The following NUP210L variants were observed in gnomAD, a reference collection of about 807,000 sequenced individuals.
The protein encoded by NUP210L is nuclear pore membrane glycoprotein 210-like.
In NUP210L, 74 loss-of-function variants were observed where a neutral mutation model predicts 208.5. The ratio of observed to expected loss-of-function variants is 0.35; its 90% CI spans 0.29 to 0.43. The LOEUF (loss-of-function observed/expected upper bound fraction) is 0.43. NUP210L is among the 20% of genes least tolerant of loss of function. NUP210L has a pLI of 1.00. For missense variants in NUP210L, 1,843 were observed against 2,289.4 expected (o/e 0.81, Z 3.98); for synonymous variants, 780 against 816.9 (o/e 0.95, Z 0.77).
intron 29 of NUP210L, 48 bp from the exon 30 acceptor site, chr1:154,025,764 C>A: frequency 6.5e-7 from 1 of 1,534,984 alleles, no homozygotes; most frequent in Non-Finnish European, 8.9e-7. Context: ...TCCTGTCTGA[C>A]CAGAGAGAAA....
chr1:153,996,059 A>G (rs1196349154), intron 37 of NUP210L: 18 of 335,276 alleles, frequency 5.4e-5, no homozygotes, highest in East Asian at 1.5e-4. Context: ...TTGGGAGGCC[A>G]AGGCGGGTGG....
At chr1:154,066,341 G>A (rs866363507) in intron 17 of NUP210L, among the ~76,000 whole-genome samples, 3 of 152,198 alleles carry the variant, frequency 2.0e-5, no homozygotes, top group Non-Finnish European at 4.4e-5. Flanking sequence ...CGCTGGGCGC[G>A]GTGGCTCACG....
chr1:154,140,301 A>G (rs920368554), intron 4 of NUP210L, among the ~76,000 whole-genome samples: 1 of 151,136 alleles, frequency 6.6e-6, no homozygotes, highest in African/African-American at 2.4e-5. Context: ...CAGTGAGCCA[A>G]GATTGTGCCA....
At chr1:154,149,489 T>C (rs1474386444) in intron 2 of NUP210L, among the ~76,000 whole-genome samples, 1 of 152,174 alleles carries the variant, frequency 6.6e-6, no homozygotes, top group East Asian at 1.9e-4. Flanking sequence ...TGAGGCAGGA[T>C]TGCTTGAGCC....
rs772608860 is a variant in NUP210L at position 154,091,501 on chromosome 1, C to CT, written c.2188-1908dup. 5.9e-3 allele frequency among the ~76,000 whole-genome samples: 734 copies of CT among 124,620 alleles called. 7 individuals carry two copies. Among genetic ancestry groups the CT allele is most frequent in the African/African-American group, 0.013 (400 of 30,206 alleles). The allele number at this position is 124,620 out of a possible 152,430, so 81.8% of individuals were successfully genotyped here. Reference sequence around the variant, plus strand: ...ATGTCTTTTTCTTTTCTTTTCTTTTCTTTTTTTTTTTTTTTTTGAGAGTGA... The same window carrying CT: ...ATGTCTTTTTCTTTTCTTTTCTTTTCTTTTTTTTTTTTTTTTTTGAGAGTGA... On this transcript the variant is annotated intron_variant, in intron 15 of 39. Coordinates refer to ENST00000368559, the Ensembl canonical transcript of NUP210L.
chr1:154,046,350 A>G, exon 26 of NUP210L: 1 of 1,614,134 alleles, frequency 6.2e-7, no homozygotes, highest in Non-Finnish European at 8.5e-7. Context: ...TAGCTGAACA[A>G]CTTCAATCTG....
exon 1 of NUP210L, chr1:154,154,938 G>A (rs921131760): frequency 6.2e-7 from 1 of 1,614,186 alleles, no homozygotes; most frequent in Non-Finnish European, 8.5e-7. Flanking sequence ...AAGTTTGTTG[G>A]CCAGGGTCCC....
At position 154,001,096 on chromosome 1, in the gene NUP210L, G is replaced by GAA. The variant is rs749629999; in HGVS notation, c.5182-38_5182-37dup. 2.6e-5 allele frequency: 40 copies of GAA among 1,563,990 alleles called. No homozygotes were observed. The East Asian group carries it at 9.0e-4, about 35-fold the overall frequency. On this transcript the variant is annotated intron_variant, in intron 36 of 39. Transcript: ENST00000368559. ...AGATAAAACCTTTTATTTAAAAGAAGAAAAATCAACTTTGTATCAGTATGT... is the reference window on the plus strand; with the variant it reads ...AGATAAAACCTTTTATTTAAAAGAAGAAAAAAATCAACTTTGTATCAGTATGT...
intron 27 of NUP210L, among the ~76,000 whole-genome samples, chr1:154,032,512 T>A (rs1295650079): frequency 6.6e-6 from 1 of 151,648 alleles, no homozygotes; most frequent in African/African-American, 2.4e-5. Flanking sequence ...TTTTTTTTGG[T>A]AGGGGTGGAA....
intron 16 of NUP210L, among the ~76,000 whole-genome samples, chr1:154,082,514 G>C (rs949256161): frequency 6.6e-6 from 1 of 152,054 alleles, no homozygotes; most frequent in Non-Finnish European, 1.5e-5. Context: ...CCAGAGGATG[G>C]CATGCTCAGT....
At chr1:154,007,552 G>A (rs977838898) in intron 35 of NUP210L, among the ~76,000 whole-genome samples, 1 of 151,824 alleles carries the variant, frequency 6.6e-6, no homozygotes, top group African/African-American at 2.4e-5. Context: ...GTGAGTCATC[G>A]CACCTGGCCT....
chr1:154,073,149 T>G (rs1224405917), intron 16 of NUP210L, among the ~76,000 whole-genome samples: 1 of 152,070 alleles, frequency 6.6e-6, no homozygotes. Context: ...AATATACAAA[T>G]GGACAACAAA....
chr1:154,109,337 G>A (rs1370906701), intron 12 of NUP210L, among the ~76,000 whole-genome samples: 1 of 151,532 alleles, frequency 6.6e-6, no homozygotes, highest in African/African-American at 2.4e-5. Context: ...TCAGCAAGAG[G>A]ATATAACAAT....
chr1:154,010,217 AT>A, intron 34 of NUP210L, 96 bp from the exon 35 acceptor site: 1 of 1,214,244 alleles, frequency 8.2e-7, no homozygotes, highest in Non-Finnish European at 1.2e-6. Context: ...CATAAAAAAA[AT>A]AAGCAAGAAA....
At chr1:154,091,221 G>C (rs1357211784) in intron 15 of NUP210L, among the ~76,000 whole-genome samples, 2 of 151,022 alleles carry the variant, frequency 1.3e-5, no homozygotes, top group Non-Finnish European at 2.9e-5. Context: ...TCATCCTCCT[G>C]AGTAGCTAAG....
At chr1:154,136,791 G>A (rs1211859651) in intron 6 of NUP210L, among the ~76,000 whole-genome samples, 2 of 150,974 alleles carry the variant, frequency 1.3e-5, no homozygotes, top group Non-Finnish European at 3.0e-5. Flanking sequence ...GTAGTGGCGG[G>A]CTCCTGTAAT....
At chr1:154,118,792 G>C (rs1242227500) in exon 11 of NUP210L, 21 of 1,575,776 alleles carry the variant, frequency 1.3e-5, no homozygotes, top group Non-Finnish European at 1.7e-5. Flanking sequence ...AAATTTTATA[G>C]GCTGAATATC....
chr1:154,026,294 A>C (rs1183736380), intron 29 of NUP210L, among the ~76,000 whole-genome samples: 1 of 152,220 alleles, frequency 6.6e-6, no homozygotes, highest in Non-Finnish European at 1.5e-5. Flanking sequence ...AAATACTTGC[A>C]AATGAATATT....
At chr1:154,147,573 G>C (rs1299239349) in intron 2 of NUP210L, among the ~76,000 whole-genome samples, 1 of 151,026 alleles carries the variant, frequency 6.6e-6, no homozygotes, top group Non-Finnish European at 1.5e-5. Context: ...TGAACTCCTG[G>C]GCTCAAGTGT....
Sources: gnomAD v4.1 joint callset for allele counts (sites outside exome capture counted in the v4.1 genomes callset) on GRCh38, gnomAD v4.1.1 for gene constraint, MANE v1.5 for transcripts, NCBI Gene and HGNC (gene_info 2026-07-23, HGNC 2026-07-21) for gene names.